Variants in PANK3 observed in about 807,000 individuals in gnomAD.
PANK3 encodes the protein hPanK3.
A neutral mutation model predicts 39.4 loss-of-function variants in PANK3; 20 were observed. The observed-to-expected ratio is 0.51, with a 90% confidence interval of 0.36 to 0.74. The LOEUF is 0.74. Among genes scored for constraint, PANK3 ranks in the 30% least tolerant of loss-of-function variants. The probability of loss-of-function intolerance (pLI) is 0.00; values close to 1 mark genes in which losing one functional copy is unlikely to be tolerated. For synonymous variants in PANK3, 140 were observed against 157.3 expected (o/e 0.89, Z 0.82); for missense variants, 265 against 437.0 (o/e 0.61, Z 3.51).
At position 168,556,305 on chromosome 5, in the gene PANK3, A is replaced by G. The variant is rs368263078; in HGVS notation, c.*1266T>C. On this transcript the variant is annotated 3_prime_UTR_variant, in exon 7 of 7. Transcript: ENST00000239231. ...TCTAGAGTTTTCAGAGAGTTAGAGG[A>G]GGTGGAGAGATTTACTCCTGCCATG... 5.9e-5 allele frequency: 9 copies of G among 152,322 alleles called. No homozygotes were observed. The East Asian group carries it at 1.4e-3, about 23-fold the overall frequency. 9.4% of individuals were successfully genotyped at this position (152,322 alleles called of 1,614,324 possible).
rs1759317567 is a variant in PANK3, at chr5:168,554,341, T to C, written c.*3230A>G. 1 of 152,232 alleles carries C rather than the reference T, an allele frequency of 6.6e-6. No homozygotes were observed. The highest frequency in any genetic ancestry group is 1.5e-5 in the Non-Finnish European group (1 of 68,034). The allele number at this position is 152,232 out of a possible 1,614,324, so 9.4% of individuals were successfully genotyped here. A position where few individuals can be genotyped will look rare whatever the true frequency, so the allele number is the denominator to read the frequency against. On this transcript the variant is annotated 3_prime_UTR_variant, in exon 7 of 7. Coordinates refer to ENST00000239231, the MANE Select transcript of PANK3 (RefSeq NM_024594.4). Reference sequence around the variant, plus strand: ...ACATTACACAAGGTAAGTATCACTATGGGTTTTTTTGTTTACAGACCGCAG... The same window carrying C: ...ACATTACACAAGGTAAGTATCACTACGGGTTTTTTTGTTTACAGACCGCAG...
intron 6 of PANK3, among the ~76,000 whole-genome samples, chr5:168,558,169 TTTTTA>T (rs1324229416): frequency 6.6e-6 from 1 of 151,130 alleles, no homozygotes; most frequent in Non-Finnish European, 1.5e-5. Flanking sequence ...TTTTTTTTTT[TTTTTA>T]GACAGTCTCG....
intron 1 of PANK3, among the ~76,000 whole-genome samples, chr5:168,570,724 TTAGC>T (rs1759616378): frequency 6.6e-6 from 1 of 152,224 alleles, no homozygotes; most frequent in African/African-American, 2.4e-5. Flanking sequence ...CCTTGCACAC[TTAGC>T]TAAAGAGCTT....
chr5:168,552,608 A>T lies in PANK3; in HGVS notation c.*4963T>A. 1 of 218,502 alleles carries T rather than the reference A, an allele frequency of 4.6e-6. No individual in the cohort carries two copies. Among genetic ancestry groups the T allele is most frequent in the Non-Finnish European group, 1.1e-5 (1 of 94,070 alleles). The allele number at this position is 218,502 out of a possible 1,614,324, so 13.5% of individuals were successfully genotyped here. On this transcript the variant is annotated 3_prime_UTR_variant, in exon 7 of 7. Transcript: ENST00000239231. ...AGGGAACGGAGTCTGGTCCAACTTC[A>T]GAGAAGGCCACAAAGACCAAGATAG...
At position 168,552,892 on chromosome 5, in the gene PANK3, T is replaced by G. The variant is rs1759294708; in HGVS notation, c.*4679A>C. On this transcript the variant is annotated 3_prime_UTR_variant, in exon 7 of 7. Coordinates refer to ENST00000239231, the MANE Select transcript of PANK3 (RefSeq NM_024594.4). ...GAAGACAACATTGATTCCAGAGAGC[T>G]ACTGAGAGAGCTGGAGCATGATGGA... The G allele has an allele frequency of 4.9e-6, 1 of 203,380 alleles. No homozygotes were observed. Among genetic ancestry groups the G allele is most frequent in the Non-Finnish European group, 1.0e-5 (1 of 96,836 alleles). 12.6% of individuals were successfully genotyped at this position (203,380 alleles called of 1,614,324 possible).
chr5:168,560,288 T>G (rs1007290861), intron 5 of PANK3, among the ~76,000 whole-genome samples: 1 of 152,238 alleles, frequency 6.6e-6, no homozygotes, highest in Non-Finnish European at 1.5e-5. Flanking sequence ...TTTGCATATT[T>G]GTTCTCTCTG....
intron 2 of PANK3, among the ~76,000 whole-genome samples, chr5:168,567,674 T>C (rs892680881): frequency 2.0e-5 from 3 of 152,166 alleles, no homozygotes; most frequent in African/African-American, 7.2e-5. Flanking sequence ...TGGAGTGCAA[T>C]GGCTCAATCA....
chr5:168,569,468 A>C (rs959784750), intron 1 of PANK3, among the ~76,000 whole-genome samples: 1 of 151,770 alleles, frequency 6.6e-6, no homozygotes, highest in African/African-American at 2.4e-5. Flanking sequence ...CTGGGATTGC[A>C]GGCGTGAGCC....
chr5:168,565,985 G>A (rs751907961), intron 3 of PANK3, 28 bp downstream of exon 3: 1 of 1,584,092 alleles, frequency 6.3e-7, no homozygotes, highest in East Asian at 2.3e-5. Context: ...CAATGTGAAT[G>A]CAGCAATACA....
At position 168,563,969 on chromosome 5, in the gene PANK3, T is replaced by G. The variant is rs747484040; in HGVS notation, c.732A>C (p.Thr244=). 6.2e-7 allele frequency: 1 copy of G among 1,613,750 alleles called. No individual in the cohort carries two copies. Among genetic ancestry groups the G allele is most frequent in the South Asian group, 1.1e-5 (1 of 91,032 alleles). Residue 244 remains threonine, a synonymous_variant, in exon 4 of 7, where the codon ACA becomes ACC. Transcript: ENST00000239231. ...TATCACGGACCAGCTTGTCAGCTTG[T>G]GTGCTATCACCTTTGGATGCCATTT... is the stretch of plus-strand genomic sequence containing the variant. ...ALEMASKGDS[T]QADKLVRDIY...
rs1365561552 is a variant in PANK3, at chr5:168,568,662, T to G, written c.365A>C (p.Glu122Ala). Residue 122 changes from glutamate (E) to alanine (A), a missense_variant, in exon 2 of 7, where the codon GAA becomes GCA. Around this residue, in one of 3 missense-constraint regions of PANK3, gnomAD observed 154 missense variants for 256.8 expected, o/e 0.60. Transcript: ENST00000239231. The part of the protein sequence containing the change: ...CATGGGAYKF[E>A]KDFRTIGNLH... The stretch of plus-strand genomic sequence containing the variant: ...GATACCTACTGTGCGAAAATCTTTT[T>G]CAAACTTGTAAGCACCACCTCCTGT... 1.2e-6 allele frequency: 2 copies of G among 1,604,784 alleles called. No individual in the cohort carries two copies. The highest frequency in any genetic ancestry group is 1.7e-6 in the Non-Finnish European group (2 of 1,175,690).
intron 4 of PANK3, among the ~76,000 whole-genome samples, chr5:168,563,579 T>C (rs1235924049): frequency 6.6e-6 from 1 of 152,026 alleles, no homozygotes; most frequent in Non-Finnish European, 1.5e-5. Flanking sequence ...TTAGAGTATA[T>C]ATAGTATGCC....
intron 1 of PANK3, 134 bp downstream of exon 1, chr5:168,579,122 G>T: frequency 1.4e-6 from 1 of 708,962 alleles, no homozygotes; most frequent in Non-Finnish European, 2.1e-6. Flanking sequence ...GGCTCAAATG[G>T]TCCCTCCGCC....
At chr5:168,559,462 T>C (rs968620277) in intron 5 of PANK3, among the ~76,000 whole-genome samples, 2 of 152,086 alleles carry the variant, frequency 1.3e-5, no homozygotes, top group African/African-American at 4.8e-5. Flanking sequence ...CACTCTACTA[T>C]GGGATGCTGA....
intron 1 of PANK3, among the ~76,000 whole-genome samples, chr5:168,572,251 CT>C (rs993106947): frequency 1.3e-4 from 20 of 151,720 alleles, no homozygotes; most frequent in Non-Finnish European, 2.5e-4. Flanking sequence ...GTAGCTGGGA[CT>C]ACAGGTGTGC....
chr5:168,575,296 TA>T lies in PANK3; in HGVS notation c.28+3959del, dbSNP rs563787166. 1.8e-3 allele frequency among the ~76,000 whole-genome samples: 275 copies of T among 152,332 alleles called. 2 individuals are homozygous for T. Among genetic ancestry groups the T allele is most frequent in the African/African-American group, 6.3e-3 (262 of 41,576 alleles). On this transcript the variant is annotated intron_variant, in intron 1 of 6. Transcript: ENST00000239231. ...ACTACAAGGATGAAGTGCTATGTCTTACCAGACGCATTATATATGCAAAAGG... is the reference window on the plus strand; with the variant it reads ...ACTACAAGGATGAAGTGCTATGTCTTCCAGACGCATTATATATGCAAAAGG...
chr5:168,566,976 T>G (rs1006990840), intron 2 of PANK3, among the ~76,000 whole-genome samples: 1 of 152,194 alleles, frequency 6.6e-6, no homozygotes, highest in Non-Finnish European at 1.5e-5. Flanking sequence ...GCTCCTAACC[T>G]CAAGTGATCC....
chr5:168,570,785 A>C (rs964356680), intron 1 of PANK3, among the ~76,000 whole-genome samples: 3 of 152,216 alleles, frequency 2.0e-5, no homozygotes, highest in South Asian at 4.1e-4. Flanking sequence ...CGTTCTAAGT[A>C]AGAGAGTGGC....
At chr5:168,558,409 C>T (rs1229069328) in intron 6 of PANK3, among the ~76,000 whole-genome samples, 1 of 152,066 alleles carries the variant, frequency 6.6e-6, no homozygotes, top group Non-Finnish European at 1.5e-5. Context: ...CGTGATCCGT[C>T]CGCCTTGGCC....
Sources: gnomAD v4.1 joint callset for allele counts (sites outside exome capture counted in the v4.1 genomes callset) on GRCh38, gnomAD v4.1.1 for gene constraint, gnomAD v4.1.1 regional missense constraint, MANE v1.5 for transcripts, NCBI Gene and HGNC (gene_info 2026-07-23, HGNC 2026-07-21) for gene names.